Variants in DGCR8 observed in about 807,000 individuals in gnomAD.
The protein encoded by DGCR8 is DGCR8 microprocessor complex subunit.
Under a neutral mutation model 78.5 loss-of-function variants are expected in DGCR8, and 14 were observed. The observed-to-expected ratio is 0.18, with a 90% CI of 0.12 to 0.28. The LOEUF (loss-of-function observed/expected upper bound fraction) is 0.28. DGCR8 is among the 10% of genes least tolerant of loss of function. The pLI is 1.00. For missense variants in DGCR8, 702 were observed against 1,022.5 expected (o/e 0.69, Z 4.28); for synonymous variants, 399 against 402.4 (o/e 0.99, Z 0.10).
chr22:20,080,776 G>A (rs1365709323), intron 1 of DGCR8: 2 of 152,352 alleles, frequency 1.3e-5, no homozygotes, highest in African/African-American at 4.8e-5. Context: ...TTTGTCCACA[G>A]AATGCTCACG....
intron 9 of DGCR8, among the ~76,000 whole-genome samples, chr22:20,103,001 G>A (rs1476077874): frequency 1.3e-5 from 2 of 152,002 alleles, no homozygotes; most frequent in East Asian, 1.9e-4. Context: ...GCGTGGTGGC[G>A]GGCACATGTA....
chr22:20,101,973 A>T lies in DGCR8; in HGVS notation c.1789-4204A>T, dbSNP rs1477130829. The T allele has an allele frequency of 9.1e-6, 9 of 985,228 alleles. No homozygotes were observed. In the East Asian group the frequency reaches 7.9e-4, roughly 87 times the overall value. The allele number at this position is 985,228 out of a possible 1,614,324, so 61.0% of individuals were successfully genotyped here. A position where few individuals can be genotyped will look rare whatever the true frequency, so the allele number is the denominator to read the frequency against. Reference sequence around the variant, plus strand: ...AAAAGGGAAAAAAGGAACAACTGGCATCATTTCCTTTTCACAAAGCTTGTG... The same window carrying T: ...AAAAGGGAAAAAAGGAACAACTGGCTTCATTTCCTTTTCACAAAGCTTGTG... On this transcript the variant is annotated intron_variant, in intron 9 of 13. Coordinates refer to ENST00000351989, the MANE Select transcript of DGCR8 (RefSeq NM_022720.7).
intron 1 of DGCR8, among the ~76,000 whole-genome samples, chr22:20,081,233 C>T (rs1270451554): frequency 2.0e-5 from 3 of 152,248 alleles, no homozygotes; most frequent in African/African-American, 7.2e-5. Flanking sequence ...GCGGGAGAGA[C>T]TTGACCAAAA....
chr22:20,086,772 T>C lies in DGCR8; in HGVS notation c.720+89T>C, dbSNP rs1284398884. The C allele has an allele frequency of 1.7e-6, 2 of 1,150,294 alleles. No homozygotes were observed. Among genetic ancestry groups the C allele is most frequent in the Non-Finnish European group, 2.3e-6 (2 of 855,486 alleles). 71.3% of individuals were successfully genotyped at this position (1,150,294 alleles called of 1,614,324 possible). A position where few individuals can be genotyped will look rare whatever the true frequency, so the allele number is the denominator to read the frequency against. ...CAGCATCTTTTGAAAGCAGGGAAAT[T>C]AAAAAAAAAAAAAACAAAAACCAAA... On this transcript the variant is annotated intron_variant, in intron 2 of 13. Transcript: ENST00000351989. The surrounding 1 kb of genome is among the most constrained non-coding windows in gnomAD (Gnocchi z 6.4).
chr22:20,085,642 A>G lies in DGCR8; in HGVS notation c.-277-45A>G. 1 of 1,274,684 alleles carries G rather than the reference A, an allele frequency of 7.8e-7. No homozygotes were observed. The highest frequency in any genetic ancestry group is 9.9e-7 in the Non-Finnish European group (1 of 1,013,162). 79.0% of individuals were successfully genotyped at this position (1,274,684 alleles called of 1,614,324 possible). A position where few individuals can be genotyped will look rare whatever the true frequency, so the allele number is the denominator to read the frequency against. ...TTTTAACTTGGTACCAGGGAATTGG[A>G]AGGTTTCTGTCATTTTGTGACGATA... is the stretch of plus-strand genomic sequence containing the variant. On this transcript the variant is annotated intron_variant, in intron 1 of 13. Coordinates refer to ENST00000351989, the MANE Select transcript of DGCR8 (RefSeq NM_022720.7). This position sits in a 1 kb window ranked among gnomAD's most constrained non-coding sequence, Gnocchi z 6.2.
Position 20,085,835 on chromosome 22 carries a change from C to G in DGCR8, c.-129C>G. On this transcript the variant is annotated 5_prime_UTR_variant, in exon 2 of 14. Coordinates refer to ENST00000351989, the MANE Select transcript of DGCR8 (RefSeq NM_022720.7). The surrounding 1 kb of genome is among the most constrained non-coding windows in gnomAD (Gnocchi z 6.2). ...GAAAAGAGCAATGTGGCCAGCTTGA[C>G]TAAGCCGCCAGCGCACAGCGCGGCA... The G allele has an allele frequency of 6.7e-7, 1 of 1,485,468 alleles. No individual in the cohort carries two copies. Among genetic ancestry groups the G allele is most frequent in the Non-Finnish European group, 8.9e-7 (1 of 1,125,770 alleles). The allele number at this position is 1,485,468 out of a possible 1,614,324, so 92.0% of individuals were successfully genotyped here. A position where few individuals can be genotyped will look rare whatever the true frequency, so the allele number is the denominator to read the frequency against.
intron 7 of DGCR8, among the ~76,000 whole-genome samples, chr22:20,092,218 C>T (rs1181698260): frequency 6.6e-6 from 1 of 152,198 alleles, no homozygotes; most frequent in Non-Finnish European, 1.5e-5. Flanking sequence ...CCCCATCTGC[C>T]TTGCTGGTTT....
At position 20,091,443 on chromosome 22, in the gene DGCR8, G is replaced by A; in HGVS notation, c.1315G>A (p.Glu439Lys). The change falls in exon 6 of 14, where the codon GAA (glutamate) becomes AAA (lysine). Residue 439 changes from glutamate (E) to lysine (K), a missense_variant. By Grantham distance (56) the Glu-to-Lys change is moderately conservative. Around this residue, in one of 4 missense-constraint regions of DGCR8, gnomAD observed 119 missense variants for 126.1 expected, o/e 0.94. Coordinates refer to ENST00000351989, the MANE Select transcript of DGCR8 (RefSeq NM_022720.7). ...TGGTAAATCTGGGACAGATCTCGAG[G>A]AATTTCGAAGCTACCTGGAGAAGCG... ...VCKDESVDLEEFRSYLEKRFD... is the reference protein window; with the variant it reads ...VCKDESVDLEKFRSYLEKRFD... 6.2e-7 allele frequency: 1 copy of A among 1,614,202 alleles called. No homozygotes were observed. The highest frequency in any genetic ancestry group is 1.3e-5 in the African/African-American group (1 of 75,046).
At chr22:20,097,041 T>G (rs1222569082) in intron 9 of DGCR8, among the ~76,000 whole-genome samples, 1 of 152,240 alleles carries the variant, frequency 6.6e-6, no homozygotes, top group African/African-American at 2.4e-5. Flanking sequence ...CATATAATGA[T>G]TTTTTTAATA....
Position 20,111,281 on chromosome 22 carries a change from T to C in DGCR8, c.*1173T>C, listed in dbSNP as rs1027509292. The C allele has an allele frequency of 7.5e-6, 3 of 398,620 alleles. No homozygotes were observed. Among genetic ancestry groups the C allele is most frequent in the Admixed American group, 8.8e-5 (2 of 22,722 alleles). 24.7% of individuals were successfully genotyped at this position (398,620 alleles called of 1,614,324 possible). Reference sequence around the variant, plus strand: ...GCACCTGTGCAGAGTGCCGTGTGCTTGTGGTGCGCCATCTGAAGCAAGAGT... The same window carrying C: ...GCACCTGTGCAGAGTGCCGTGTGCTCGTGGTGCGCCATCTGAAGCAAGAGT... On this transcript the variant is annotated 3_prime_UTR_variant, in exon 14 of 14. Transcript: ENST00000351989.
At chr22:20,080,584 G>C in intron 1 of DGCR8, 2 of 738,516 alleles carry the variant, frequency 2.7e-6, no homozygotes, top group Non-Finnish European at 3.3e-6. Flanking sequence ...TGGGGGGCGG[G>C]CCCCGGGCCC....
At chr22:20,106,731 CTGGG>C in intron 11 of DGCR8, 33 bp downstream of exon 11, 1 of 1,533,550 alleles carries the variant, frequency 6.5e-7, no homozygotes, top group Non-Finnish European at 9.0e-7. Context: ...CTGGTGGCCG[CTGGG>C]CGGGCGGCCC....
chr22:20,083,823 GA>G (rs1449087475), intron 1 of DGCR8, among the ~76,000 whole-genome samples: 1 of 152,158 alleles, frequency 6.6e-6, no homozygotes, highest in Non-Finnish European at 1.5e-5. Context: ...GTTGCCAGGA[GA>G]CTGACCTCAC....
At chr22:20,090,302 A>G (rs373684505) in intron 5 of DGCR8, 44 bp downstream of exon 5, 27 of 1,540,360 alleles carry the variant, frequency 1.8e-5, no homozygotes, top group Non-Finnish European at 2.3e-5. Flanking sequence ...CCTGGGACCC[A>G]TGAGCTTTGT....
chr22:20,087,458 T>C lies in DGCR8; in HGVS notation c.880+137T>C, dbSNP rs2049500160. The C allele has an allele frequency of 9.9e-7, 1 of 1,005,976 alleles. No individual in the cohort carries two copies. Among genetic ancestry groups the C allele is most frequent in the Non-Finnish European group, 1.4e-6 (1 of 704,912 alleles). 62.3% of individuals were successfully genotyped at this position (1,005,976 alleles called of 1,614,324 possible). ...GGCATGTTTGAGGACAGGACAGAAA[T>C]ATCTGAGGAGGGAAACACAGGATGG... On this transcript the variant is annotated intron_variant, in intron 3 of 13. Coordinates refer to ENST00000351989, the MANE Select transcript of DGCR8 (RefSeq NM_022720.7). This position sits in a 1 kb window ranked among gnomAD's most constrained non-coding sequence, Gnocchi z 4.1.
intron 9 of DGCR8, among the ~76,000 whole-genome samples, chr22:20,105,473 C>T (rs9606252): frequency 0.13 from 19,926 of 152,286 alleles, 1,703 homozygotes; most frequent in Non-Finnish European, 0.19. Flanking sequence ...GCACTCTCAG[C>T]TTCAGCCAAA....
chr22:20,105,985 G>A (rs2049765063), intron 9 of DGCR8, among the ~76,000 whole-genome samples, 192 bp from the exon 10 acceptor site: 1 of 152,164 alleles, frequency 6.6e-6, no homozygotes, highest in African/African-American at 2.4e-5. Context: ...GGGCTCTGGA[G>A]ATGGGCAACT....
chr22:20,102,962 A>G (rs924713775), intron 9 of DGCR8, among the ~76,000 whole-genome samples: 10 of 152,042 alleles, frequency 6.6e-5, no homozygotes, highest in African/African-American at 2.4e-4. Context: ...GTGAAACCCC[A>G]TCTCTACTTA....
intron 1 of DGCR8, among the ~76,000 whole-genome samples, chr22:20,081,541 T>C (rs766387021): frequency 6.6e-5 from 10 of 152,242 alleles, no homozygotes; most frequent in Non-Finnish European, 1.3e-4. Context: ...GGGGTTGTTT[T>C]GTAGTCTCAC....
Sources: allele counts gnomAD v4.1 joint callset (sites outside exome capture counted in the v4.1 genomes callset), GRCh38; gene constraint gnomAD v4.1.1; regional missense constraint gnomAD v4.1.1; non-coding constraint Gnocchi (gnomAD v3.1); transcripts MANE v1.5; gene names NCBI Gene and HGNC (gene_info 2026-07-23, HGNC 2026-07-21).